Variants in GTF2F2 observed in about 807,000 individuals in gnomAD.
GTF2F2 encodes ATP-dependent helicase GTF2F2.
Under a neutral mutation model 42.2 loss-of-function variants are expected in GTF2F2, and 23 were observed. That is an observed-to-expected ratio of 0.55 (90% CI 0.39 to 0.77). GTF2F2 has a LOEUF of 0.77. Ranked by LOEUF, GTF2F2 falls within the 30% of genes least tolerant of loss-of-function variation. The pLI, the probability that GTF2F2 is intolerant of heterozygous loss-of-function variation, is 0.00. For synonymous variants in GTF2F2, 105 were observed against 100.8 expected, an observed-to-expected ratio of 1.04 and a Z score of -0.25; for missense variants, 261 against 287.2, an observed-to-expected ratio of 0.91 and a Z score of 0.66.
At chr13:45,260,711 C>T (rs904579978) in intron 6 of GTF2F2, among the ~76,000 whole-genome samples, 2 of 152,176 alleles carry the variant, frequency 1.3e-5, no homozygotes, top group East Asian at 1.9e-4. Flanking sequence ...GGATTGTCAA[C>T]ATTTGGTTGC....
chr13:45,193,525 G>A (rs556713717), intron 4 of GTF2F2: 20 of 352,476 alleles, frequency 5.7e-5, no homozygotes, highest in African/African-American at 2.9e-4. Flanking sequence ...CAAATAAATA[G>A]CAAAAGCTTT....
chr13:45,204,123 A>C (rs1354596260), intron 4 of GTF2F2, among the ~76,000 whole-genome samples: 2 of 152,182 alleles, frequency 1.3e-5, no homozygotes, highest in African/African-American at 2.4e-5. Context: ...TTCCTTTTAA[A>C]AACATTTAAA....
At chr13:45,247,465 T>C (rs1165525097) in intron 5 of GTF2F2, among the ~76,000 whole-genome samples, 8 of 151,728 alleles carry the variant, frequency 5.3e-5, no homozygotes, top group Non-Finnish European at 1.2e-4. Context: ...GGATCTCAGC[T>C]CACTGCAACC....
chr13:45,254,025 G>GCACTGCAGCCTGAGTGA (rs778571604), intron 6 of GTF2F2, among the ~76,000 whole-genome samples: 150 of 149,822 alleles, frequency 1.0e-3, no homozygotes, highest in Non-Finnish European at 1.6e-3. Flanking sequence ...TCACGCCACT[G>GCACTGCAGCCTGAGTGA]CACTGCAGCC....
intron 3 of GTF2F2, among the ~76,000 whole-genome samples, chr13:45,151,437 A>T (rs1467694050): frequency 6.6e-6 from 1 of 151,998 alleles, no homozygotes; most frequent in East Asian, 1.9e-4. Context: ...ATAGTGAGCT[A>T]CAGCCTGGAA....
At chr13:45,243,753 TGG>T (rs1328562995) in intron 5 of GTF2F2, among the ~76,000 whole-genome samples, 1 of 152,164 alleles carries the variant, frequency 6.6e-6, no homozygotes, top group Non-Finnish European at 1.5e-5. Context: ...CTCCACCTCC[TGG>T]GTTCAAACGA....
chr13:45,121,892 G>C (rs113987337), intron 1 of GTF2F2, among the ~76,000 whole-genome samples: 3 of 151,130 alleles, frequency 2.0e-5, no homozygotes, highest in African/African-American at 2.5e-5. Context: ...ATGTTACTTG[G>C]GGGGAGAGTC....
intron 7 of GTF2F2, among the ~76,000 whole-genome samples, chr13:45,282,015 A>G (rs1342649800): frequency 6.6e-6 from 1 of 152,098 alleles, no homozygotes; most frequent in African/African-American, 2.4e-5. Flanking sequence ...CCTGGCCAAC[A>G]TGGTGAAACC....
intron 5 of GTF2F2, among the ~76,000 whole-genome samples, chr13:45,240,426 T>A (rs975577207): frequency 2.6e-5 from 4 of 152,162 alleles, no homozygotes; most frequent in Non-Finnish European, 5.9e-5. Flanking sequence ...CTAGTGTATG[T>A]TTTTTTGGTT....
intron 4 of GTF2F2, chr13:45,193,704 A>G: frequency 8.0e-7 from 1 of 1,257,298 alleles, no homozygotes; most frequent in East Asian, 2.3e-5. Context: ...CTAGCTGGGC[A>G]TGTTATTTGG....
At chr13:45,282,417 A>G (rs1348616812) in intron 7 of GTF2F2, among the ~76,000 whole-genome samples, 1 of 152,174 alleles carries the variant, frequency 6.6e-6, no homozygotes, top group Non-Finnish European at 1.5e-5. Flanking sequence ...GGGACCTAAA[A>G]CACCATAATA....
rs536866186 is a variant in GTF2F2 at position 45,245,834 on chromosome 13, G to A, written c.387-7037G>A. Among the ~76,000 whole-genome samples the A allele has an allele frequency of 9.9e-3, 1,419 of 143,902 alleles. 7 individuals carry two copies. Among genetic ancestry groups the A allele is most frequent in the Non-Finnish European group, 0.016 (1,068 of 65,794 alleles). 94.4% of individuals were successfully genotyped at this position (143,902 alleles called of 152,430 possible). ...CAGGTGCCTGCAGTCCCAGCTACTC[G>A]GGAGGCTGAGGCAGGAGAATGGCGT... is the stretch of plus-strand genomic sequence containing the variant. On this transcript the variant is annotated intron_variant, in intron 5 of 7. Coordinates refer to ENST00000340473, the MANE Select transcript of GTF2F2 (RefSeq NM_004128.3).
chr13:45,210,833 TA>T (rs1326726512), intron 5 of GTF2F2, among the ~76,000 whole-genome samples: 1 of 152,224 alleles, frequency 6.6e-6, no homozygotes, highest in Non-Finnish European at 1.5e-5. Flanking sequence ...GGGTGGAATC[TA>T]AAGGGATTTG....
intron 5 of GTF2F2, among the ~76,000 whole-genome samples, chr13:45,241,357 CT>C (rs1295011652): frequency 6.6e-6 from 1 of 152,032 alleles, no homozygotes; most frequent in Non-Finnish European, 1.5e-5. Flanking sequence ...GCTTCTCTCT[CT>C]TATGTTCTAC....
chr13:45,238,997 A>C (rs1353573588), intron 5 of GTF2F2, among the ~76,000 whole-genome samples: 1 of 152,140 alleles, frequency 6.6e-6, no homozygotes, highest in African/African-American at 2.4e-5. Context: ...ATTGCAGTGA[A>C]TAAATTGAAA....
chr13:45,268,227 G>T lies in GTF2F2; in HGVS notation c.630+851G>T, dbSNP rs138718418. Among the ~76,000 whole-genome samples, 591 of 152,082 alleles carry T rather than the reference G, an allele frequency of 3.9e-3. 4 individuals carry two copies. Among genetic ancestry groups the T allele is most frequent in the Non-Finnish European group, 6.4e-3 (438 of 67,968 alleles). On this transcript the variant is annotated intron_variant, in intron 7 of 7. Coordinates refer to ENST00000340473, the MANE Select transcript of GTF2F2 (RefSeq NM_004128.3). ...CTTTACCATTTTGTCTACTCTGCCG[G>T]TATACTCAAGAATCTGTTGATTCTT... is the stretch of plus-strand genomic sequence containing the variant.
chr13:45,268,708 A>T (rs1593527689), intron 7 of GTF2F2, among the ~76,000 whole-genome samples: 1 of 152,116 alleles, frequency 6.6e-6, no homozygotes. Context: ...GTATGAAAAG[A>T]CCCTTCCAGA....
intron 4 of GTF2F2, among the ~76,000 whole-genome samples, chr13:45,205,291 C>T (rs1873367666): frequency 6.6e-6 from 1 of 152,054 alleles, no homozygotes; most frequent in Non-Finnish European, 1.5e-5. Flanking sequence ...GAAGTGAGAG[C>T]ACAGGAAAAA....
intron 2 of GTF2F2, among the ~76,000 whole-genome samples, chr13:45,145,912 A>G (rs891685547): frequency 5.9e-5 from 9 of 151,836 alleles, no homozygotes; most frequent in African/African-American, 2.2e-4. Context: ...TCCTTACCCC[A>G]CTAAGGGTCC....
Sources: gnomAD v4.1 joint callset for allele counts (sites outside exome capture counted in the v4.1 genomes callset) on GRCh38, gnomAD v4.1.1 for gene constraint, MANE v1.5 for transcripts, NCBI Gene and HGNC (gene_info 2026-07-23, HGNC 2026-07-21) for gene names.